Variants in STK26 observed in about 807,000 individuals in gnomAD.
STK26 encodes the protein serine/threonine kinase 26, also known as serine/threonine-protein kinase 26.
A neutral mutation model predicts 34.7 loss-of-function variants in STK26; 14 were observed. That is an observed-to-expected ratio of 0.40 (90% CI 0.27 to 0.63). The LOEUF is 0.63. Ranked by LOEUF, STK26 falls within the 30% of genes least tolerant of loss-of-function variation. The probability of loss-of-function intolerance (pLI) is 0.38; values close to 1 mark genes in which losing one functional copy is unlikely to be tolerated. For missense variants in STK26, 226 were observed against 309.1 expected (o/e 0.73, Z 2.02); for synonymous variants, 100 against 109.8 (o/e 0.91, Z 0.56).
Position 132,023,615 on chromosome X carries a change from T to A in STK26, c.-3T>A, listed in dbSNP as rs1360426059. On this transcript the variant is annotated 5_prime_UTR_variant, in exon 2 of 12. Coordinates refer to ENST00000394334, the MANE Select transcript of STK26 (RefSeq NM_016542.4). ...GAAGCGGAGCGAGGCAGCATTCGCC[T>A]CCATGGCCCACTCGCCGGTGGCTGT... is the stretch of plus-strand genomic sequence containing the variant. 2.7e-5 allele frequency: 32 copies of A among 1,172,797 alleles called. No individual in the cohort carries two copies. Among genetic ancestry groups the A allele is most frequent in the Non-Finnish European group, 3.5e-5 (31 of 876,091 alleles).
At chrX:132,059,786 G>GA (rs774239212) in intron 3 of STK26, among the ~76,000 whole-genome samples, 117 of 105,719 alleles carry the variant, frequency 1.1e-3, no homozygotes, top group East Asian at 6.2e-3. Context: ...CAGTATTTAT[G>GA]AAAAAAAAAA....
intron 4 of STK26, 113 bp downstream of exon 4, chrX:132,063,602 T>A: frequency 1.6e-6 from 1 of 631,608 alleles, no homozygotes; most frequent in Non-Finnish European, 2.4e-6. Flanking sequence ...TTGCTTTAGT[T>A]AATATGTTCA....
intron 2 of STK26, among the ~76,000 whole-genome samples, chrX:132,031,905 T>C (rs767410789): frequency 3.5e-4 from 39 of 111,960 alleles, no homozygotes; most frequent in Non-Finnish European, 6.0e-4. Flanking sequence ...TAAGGGCACA[T>C]TGACAGCCAA....
At chrX:132,065,185 CCTTCATGCATATGGAGTCAGG>C (rs1195975327) in intron 4 of STK26, among the ~76,000 whole-genome samples, 3 of 111,571 alleles carry the variant, frequency 2.7e-5, no homozygotes, top group Non-Finnish European at 3.8e-5. Context: ...GTGTAATAAT[CCTTCATGCATATGGAGTCAGG>C]CTTCATTCTC....
At chrX:132,047,769 A>G (rs1473848723) in intron 2 of STK26, among the ~76,000 whole-genome samples, 2 of 112,152 alleles carry the variant, frequency 1.8e-5, no homozygotes, top group Non-Finnish European at 3.8e-5. Flanking sequence ...TCAATTGCAT[A>G]GTGGTTCAAC....
chrX:132,026,117 T>A (rs1461412877), intron 2 of STK26, among the ~76,000 whole-genome samples: 2 of 112,078 alleles, frequency 1.8e-5, no homozygotes, highest in African/African-American at 6.5e-5. Context: ...AAAATTACTT[T>A]ATCCACAATT....
intron 3 of STK26, among the ~76,000 whole-genome samples, chrX:132,056,377 G>A (rs1267005215): frequency 8.9e-6 from 1 of 111,958 alleles, no homozygotes; most frequent in Admixed American, 9.5e-5. Context: ...CTCCAATGAG[G>A]GCATAGGAGT....
intron 2 of STK26, 112 bp from the exon 3 acceptor site, chrX:132,054,519 T>C (rs1886511763): frequency 1.5e-6 from 1 of 662,034 alleles, no homozygotes; most frequent in African/African-American, 2.2e-5. Context: ...GAGGAGTTTG[T>C]ATGCTTTTAC....
chrX:132,072,849 A>G lies in STK26; in HGVS notation c.1063A>G (p.Met355Val), dbSNP rs1245911969. 8 of 1,209,842 alleles carry G rather than the reference A, an allele frequency of 6.6e-6. No homozygotes were observed. The highest frequency in any genetic ancestry group is 1.7e-5 in the African/African-American group (1 of 57,331). ...DLVQTLSCLS[M>V]IITPAFAELK... ...TGTGCAAACCCTGAGTTGTTTGTCTATGATAATCACACCTGCATTTGCTGA... is the reference window on the plus strand; with the variant it reads ...TGTGCAAACCCTGAGTTGTTTGTCTGTGATAATCACACCTGCATTTGCTGA... Residue 355 changes from methionine (M) to valine (V), a missense_variant, in exon 10 of 12, where the codon ATG (methionine) becomes GTG (valine). Met to Val is a conservative substitution (Grantham distance 21). Coordinates refer to ENST00000394334, the MANE Select transcript of STK26 (RefSeq NM_016542.4).
intron 3 of STK26, among the ~76,000 whole-genome samples, chrX:132,061,835 C>A (rs1927063044): frequency 1.8e-5 from 2 of 111,300 alleles, no homozygotes; most frequent in African/African-American, 6.6e-5. Flanking sequence ...TTAAATTGGA[C>A]TCCTGAATAC....
intron 2 of STK26, among the ~76,000 whole-genome samples, chrX:132,051,423 G>A (rs992774737): frequency 3.6e-5 from 4 of 111,000 alleles, no homozygotes; most frequent in Non-Finnish European, 5.7e-5. Flanking sequence ...TATGGCACGC[G>A]GAAATCATCT....
chrX:132,039,869 C>T (rs1926197403), intron 2 of STK26, among the ~76,000 whole-genome samples: 1 of 111,458 alleles, frequency 9.0e-6, no homozygotes, highest in South Asian at 3.7e-4. Context: ...TAATTGAATG[C>T]AGCCTTTCTC....
intron 4 of STK26, among the ~76,000 whole-genome samples, chrX:132,064,795 G>A (rs1288160792): frequency 9.0e-6 from 1 of 111,710 alleles, no homozygotes; most frequent in African/African-American, 3.3e-5. Context: ...CTAAGAAAGT[G>A]TTTTGATTAA....
At chrX:132,024,730 A>G (rs780736772) in intron 2 of STK26, among the ~76,000 whole-genome samples, 1 of 107,274 alleles carries the variant, frequency 9.3e-6, no homozygotes, top group Non-Finnish European at 1.9e-5. Context: ...TGGGGCCTCA[A>G]TTTACTTATT....
chrX:132,053,544 A>G (rs1241683863), intron 2 of STK26, among the ~76,000 whole-genome samples: 1 of 111,887 alleles, frequency 8.9e-6, no homozygotes, highest in Non-Finnish European at 1.9e-5. Context: ...TAACTCCATA[A>G]TTGTCTTCTG....
Position 132,023,780 on chromosome X carries a change from A to C in STK26, c.42+121A>C, listed in dbSNP as rs775972078. On this transcript the variant is annotated intron_variant, in intron 2 of 11. Coordinates refer to ENST00000394334, the MANE Select transcript of STK26 (RefSeq NM_016542.4). ...GGCTCCCCTGAGGGCAGGGCCGGTC[A>C]CTATGGCCAGGTGACCTGGGAGTAG... 3.5e-6 allele frequency: 3 copies of C among 867,689 alleles called. No individual in the cohort carries two copies. In the East Asian group the frequency reaches 1.0e-4, roughly 30 times the overall value. 71.5% of individuals were successfully genotyped at this position (867,689 alleles called of 1,213,427 possible). A position where few individuals can be genotyped will look rare whatever the true frequency, so the allele number is the denominator to read the frequency against.
In STK26 at chrX:132,068,344, A is replaced by T. The variant is rs764916546; in HGVS notation, c.439+21A>T. The T allele has an allele frequency of 2.5e-6, 3 of 1,195,810 alleles. No individual in the cohort carries two copies. In the Admixed American group the frequency reaches 7.0e-5, roughly 28 times the overall value. ...AAAAGGTATACAAAAGTCTAATATGAACCTGAGAAAAATAGAAGCATTCTG... is the reference window on the plus strand; with the variant it reads ...AAAAGGTATACAAAAGTCTAATATGTACCTGAGAAAAATAGAAGCATTCTG... On this transcript the variant is annotated intron_variant, in intron 5 of 11. Coordinates refer to ENST00000394334, the MANE Select transcript of STK26 (RefSeq NM_016542.4).
intron 3 of STK26, among the ~76,000 whole-genome samples, chrX:132,058,632 C>T (rs1168367388): frequency 9.0e-6 from 1 of 111,260 alleles, no homozygotes; most frequent in Admixed American, 9.6e-5. Context: ...CCAGTATTTA[C>T]TTAATCTTTA....
At chrX:132,038,183 G>C (rs1025539631) in intron 2 of STK26, among the ~76,000 whole-genome samples, 1 of 111,345 alleles carries the variant, frequency 9.0e-6, no homozygotes, top group Non-Finnish European at 1.9e-5. Flanking sequence ...CAGAAAAACA[G>C]TATTTCCAAG....
Sources: allele counts gnomAD v4.1 joint callset (sites outside exome capture counted in the v4.1 genomes callset), GRCh38; gene constraint gnomAD v4.1.1; transcripts MANE v1.5; gene names NCBI Gene and HGNC (gene_info 2026-07-23, HGNC 2026-07-21).